The following ADGRL4 variants were observed in gnomAD, a reference collection of about 807,000 sequenced individuals.
ADGRL4 encodes adhesion G protein-coupled receptor L4, also known as EGF, latrophilin and seven transmembrane domain containing 1.
A neutral mutation model predicts 74.8 loss-of-function variants in ADGRL4; 90 were observed. The ratio of observed to expected loss-of-function variants is 1.20; its 90% CI spans 1.02 to 1.43. ADGRL4 has a LOEUF of 1.43. Among genes scored for constraint, ADGRL4 ranks in the 40% most tolerant of loss-of-function variants. ADGRL4 has a pLI of 0.00. For synonymous variants in ADGRL4, 311 were observed against 279.2 expected, an observed-to-expected ratio of 1.11 and a Z score of -1.14; for missense variants, 881 against 814.3, an observed-to-expected ratio of 1.08 and a Z score of -1.00.
intron 2 of ADGRL4, among the ~76,000 whole-genome samples, chr1:78,952,552 A>G (rs1414434326): frequency 4.0e-5 from 6 of 151,850 alleles, no homozygotes; most frequent in African/African-American, 1.5e-4. Flanking sequence ...GATCACCAGA[A>G]AGGAAAGAAA....
At position 78,939,357 on chromosome 1, in the gene ADGRL4, T is replaced by C. The variant is rs557535061; in HGVS notation, c.326-99A>G. 4.3e-6 allele frequency: 5 copies of C among 1,152,104 alleles called. No homozygotes were observed. The African/African-American group carries it at 6.4e-5, about 15-fold the overall frequency. 71.4% of individuals were successfully genotyped at this position (1,152,104 alleles called of 1,614,324 possible). On this transcript the variant is annotated intron_variant, in intron 3 of 14. Transcript: ENST00000370742. ...ATGATCTTTCTCACTTATTTAAATA[T>C]TAAAAAGACATTCTCTAACACTTGA...
chr1:78,953,280 T>C (rs1260540868), intron 2 of ADGRL4, among the ~76,000 whole-genome samples: 1 of 152,202 alleles, frequency 6.6e-6, no homozygotes, highest in Non-Finnish European at 1.5e-5. Flanking sequence ...ACAGTATCTC[T>C]GGGACTTACA....
intron 2 of ADGRL4, among the ~76,000 whole-genome samples, chr1:78,989,435 G>T (rs1025795722): frequency 4.6e-5 from 7 of 151,612 alleles, no homozygotes; most frequent in African/African-American, 1.5e-4. Context: ...TTTAAAGAAC[G>T]CTTACTTTCT....
At chr1:78,977,272 A>C (rs910479890) in intron 2 of ADGRL4, among the ~76,000 whole-genome samples, 1 of 151,832 alleles carries the variant, frequency 6.6e-6, no homozygotes, top group Admixed American at 6.6e-5. Flanking sequence ...AGGAAACTTT[A>C]CCAAAGGACA....
chr1:78,932,626 A>AC (rs1649266808), intron 7 of ADGRL4, among the ~76,000 whole-genome samples: 2 of 126,728 alleles, frequency 1.6e-5, no homozygotes, highest in Admixed American at 1.7e-4. Context: ...AAAAAAAAAA[A>AC]ACAATGAATC....
intron 7 of ADGRL4, 92 bp from the exon 8 acceptor site, chr1:78,927,183 A>G (rs1649135650): frequency 1.2e-6 from 1 of 816,394 alleles, no homozygotes; most frequent in African/African-American, 1.7e-5. Context: ...ATAGACAAAC[A>G]TTTTACTTTA....
intron 2 of ADGRL4, among the ~76,000 whole-genome samples, chr1:78,959,414 C>A (rs59245739): frequency 0.06 from 9,182 of 152,256 alleles, 297 homozygotes; most frequent in South Asian, 0.098. Context: ...TTGGTTATGA[C>A]ACCATCACAC....
At chr1:78,939,818 A>G (rs1649437795) in intron 3 of ADGRL4, 1 of 152,544 alleles carries the variant, frequency 6.6e-6, no homozygotes, top group African/African-American at 2.4e-5. Flanking sequence ...CTAATATTTG[A>G]AAAAATGTTT....
At chr1:78,943,997 T>C (rs1293182062) in intron 3 of ADGRL4, among the ~76,000 whole-genome samples, 1 of 152,084 alleles carries the variant, frequency 6.6e-6, no homozygotes, top group East Asian at 1.9e-4. Flanking sequence ...ACAATAGAAA[T>C]TGAGTATCAA....
At chr1:78,976,612 G>T (rs1381403591) in intron 2 of ADGRL4, among the ~76,000 whole-genome samples, 2 of 151,462 alleles carry the variant, frequency 1.3e-5, no homozygotes, top group African/African-American at 4.8e-5. Context: ...ACCTTTGATT[G>T]TGTATGGAAA....
chr1:78,976,955 A>T (rs1340515386), intron 2 of ADGRL4, among the ~76,000 whole-genome samples: 2 of 151,840 alleles, frequency 1.3e-5, no homozygotes, highest in Non-Finnish European at 2.9e-5. Context: ...TGGTACCAAA[A>T]TCAGATGAAG....
At chr1:78,960,500 G>C (rs368096141) in intron 2 of ADGRL4, among the ~76,000 whole-genome samples, 2 of 152,234 alleles carry the variant, frequency 1.3e-5, no homozygotes, top group Admixed American at 6.5e-5. Flanking sequence ...CTGTGTCTCA[G>C]ATCATACACA....
At chr1:79,004,432 A>T (rs1650916869) in intron 2 of ADGRL4, among the ~76,000 whole-genome samples, 1 of 152,076 alleles carries the variant, frequency 6.6e-6, no homozygotes, top group South Asian at 2.1e-4. Context: ...TGATTATCAG[A>T]TGGTGTTCTG....
chr1:78,914,081 T>A (rs1288437965), intron 12 of ADGRL4, among the ~76,000 whole-genome samples: 1 of 151,880 alleles, frequency 6.6e-6, no homozygotes, highest in African/African-American at 2.4e-5. Context: ...TTGCCGTTTG[T>A]TCTCCCTCAG....
chr1:78,925,505 T>G (rs1025408472), intron 8 of ADGRL4, among the ~76,000 whole-genome samples: 1 of 151,988 alleles, frequency 6.6e-6, no homozygotes, highest in Non-Finnish European at 1.5e-5. Context: ...GCAGATAAAT[T>G]ATCAGGGAAT....
At chr1:78,918,571 T>C (rs996522065) in intron 10 of ADGRL4, among the ~76,000 whole-genome samples, 1 of 151,934 alleles carries the variant, frequency 6.6e-6, no homozygotes, top group African/African-American at 2.4e-5. Context: ...CTTTCAACTG[T>C]TAAGATTATC....
chr1:78,900,255 T>G (rs1373144773), intron 12 of ADGRL4, among the ~76,000 whole-genome samples: 2 of 152,016 alleles, frequency 1.3e-5, no homozygotes, highest in Admixed American at 1.3e-4. Context: ...ACAACCTGAA[T>G]AAAAATGGAA....
intron 3 of ADGRL4, among the ~76,000 whole-genome samples, chr1:78,945,436 TA>T (rs1172137436): frequency 6.6e-6 from 1 of 151,944 alleles, no homozygotes; most frequent in Non-Finnish European, 1.5e-5. Context: ...ATAAGTTGAA[TA>T]TTTTTTAGAA....
intron 12 of ADGRL4, among the ~76,000 whole-genome samples, chr1:78,912,011 G>C (rs1411142110): frequency 6.6e-6 from 1 of 151,610 alleles, no homozygotes; most frequent in East Asian, 1.9e-4. Context: ...GACTTACTAG[G>C]CACTTCTATA....
Sources: allele counts gnomAD v4.1 joint callset (sites outside exome capture counted in the v4.1 genomes callset), GRCh38; gene constraint gnomAD v4.1.1; transcripts MANE v1.5; gene names NCBI Gene and HGNC (gene_info 2026-07-23, HGNC 2026-07-21).